LRRC57: variants seen among roughly 807,000 people sequenced by gnomAD.
LRRC57 encodes leucine-rich repeat-containing protein 57.
A neutral mutation model predicts 23.1 loss-of-function variants in LRRC57; 14 were observed. The ratio of observed to expected loss-of-function variants is 0.61; its 90% CI spans 0.40 to 0.95. LRRC57 has a LOEUF of 0.95. Among genes scored for constraint, LRRC57 ranks in the 40% least tolerant of loss-of-function variants. The pLI, the probability that LRRC57 is intolerant of heterozygous loss-of-function variation, is 0.00. For synonymous variants in LRRC57, 106 were observed against 115.2 expected (o/e 0.92, Z 0.51); for missense variants, 236 against 284.4 (o/e 0.83, Z 1.22).
rs1014364180 is a variant in LRRC57, at chr15:42,545,241, T to G, written c.514A>C (p.Ile172Leu). The G allele has an allele frequency of 6.3e-7, 1 of 1,584,998 alleles. No individual in the cohort carries two copies. The highest frequency in any genetic ancestry group is 8.6e-7 in the Non-Finnish European group (1 of 1,169,472). Reference protein sequence around the residue: ...QNQISQISVKISCCPRLKILR... With the variant: ...QNQISQISVKLSCCPRLKILR... ...ATTTTAAGGCGTGGACAGCAAGATA[T>G]CTTCACTGAGATCTGAGATATCTAT... Residue 172 changes from isoleucine to leucine, a missense_variant, in exon 5 of 6, where the codon ATA (isoleucine) becomes CTA (leucine). Transcript: ENST00000397130.
At chr15:42,536,327 G>A (rs970446403), downstream of LRRC57, among the ~76,000 whole-genome samples, 1 of 152,222 alleles carries the variant, frequency 6.6e-6, no homozygotes, top group African/African-American at 2.4e-5. Flanking sequence ...GTAAAATGAG[G>A]TATGCCTATA....
the LRRC57 span, chr15:42,528,500 C>A: frequency 3.1e-6 from 4 of 1,296,754 alleles, no homozygotes; most frequent in East Asian, 4.7e-5. Context: ...AGTACATGAC[C>A]CCTAATAAAA....
chr15:42,542,429 A>T lies in LRRC57; in HGVS notation c.*1654T>A, dbSNP rs1308004791. The T allele has an allele frequency of 2.6e-5, 4 of 152,254 alleles. No individual in the cohort carries two copies. The highest frequency in any genetic ancestry group is 5.9e-5 in the Non-Finnish European group (4 of 68,038). 9.4% of individuals were successfully genotyped at this position (152,254 alleles called of 1,614,324 possible). On this transcript the variant is annotated 3_prime_UTR_variant, in exon 6 of 6. Transcript: ENST00000397130. ...GCATTTCACTACTCATACAATCTGAACATAAGCATGAAACATGTCTTCCTA... is the reference window on the plus strand; with the variant it reads ...GCATTTCACTACTCATACAATCTGATCATAAGCATGAAACATGTCTTCCTA...
the LRRC57 span, among the ~76,000 whole-genome samples, chr15:42,528,712 A>G: frequency 6.6e-6 from 1 of 152,104 alleles, no homozygotes; most frequent in Admixed American, 6.5e-5. Flanking sequence ...CAGCCTTCCG[A>G]GTAGCTGGGA....
chr15:42,533,288 A>T (rs2057582501), downstream of LRRC57, among the ~76,000 whole-genome samples: 1 of 152,232 alleles, frequency 6.6e-6, no homozygotes, highest in Non-Finnish European at 1.5e-5. Context: ...AATCATTACT[A>T]GTCTTACTCA....
At position 42,540,328 on chromosome 15, in the gene LRRC57, A is replaced by G. The variant is rs2057622521; in HGVS notation, c.*3755T>C. On this transcript the variant is annotated 3_prime_UTR_variant, in exon 6 of 6. Coordinates refer to ENST00000397130, the MANE Select transcript of LRRC57 (RefSeq NM_153260.3). The stretch of plus-strand genomic sequence containing the variant: ...CGGGAAAATGCCTCAAATTTCTAAA[A>G]AACAAAACCTTAATTTAGCATGCAT... The G allele has an allele frequency of 6.6e-6, 1 of 152,212 alleles. No homozygotes were observed. Among genetic ancestry groups the G allele is most frequent in the South Asian group, 2.1e-4 (1 of 4,832 alleles). The allele number at this position is 152,212 out of a possible 1,614,324, so 9.4% of individuals were successfully genotyped here. A position where few individuals can be genotyped will look rare whatever the true frequency, so the allele number is the denominator to read the frequency against.
chr15:42,538,051 G>GT lies in LRRC57; in HGVS notation c.*6031dup, dbSNP rs1433818327. ...TCAAAATGGCTAGAAGATTTGAAAT[G>GT]TTCCCAACACAAACAAATGATAAAT... On this transcript the variant is annotated 3_prime_UTR_variant, in exon 6 of 6. Coordinates refer to ENST00000397130, the MANE Select transcript of LRRC57 (RefSeq NM_153260.3). 2.6e-5 allele frequency: 4 copies of GT among 152,156 alleles called. No homozygotes were observed. Among genetic ancestry groups the GT allele is most frequent in the African/African-American group, 7.2e-5 (3 of 41,442 alleles). 9.4% of individuals were successfully genotyped at this position (152,156 alleles called of 1,614,324 possible). A position where few individuals can be genotyped will look rare whatever the true frequency, so the allele number is the denominator to read the frequency against.
chr15:42,545,340 C>A, intron 4 of LRRC57, 78 bp from the exon 5 acceptor site: 5 of 979,400 alleles, frequency 5.1e-6, no homozygotes, highest in Non-Finnish European at 7.0e-6. Flanking sequence ...TAAAACAAAA[C>A]AAAAATCTTT....
Position 42,545,087 on chromosome 15 carries a change from C to A in LRRC57, c.668G>T (p.Gly223Val). 1 of 1,596,428 alleles carries A rather than the reference C, an allele frequency of 6.3e-7. No homozygotes were observed. The highest frequency in any genetic ancestry group is 8.5e-7 in the Non-Finnish European group (1 of 1,172,958). The change falls in exon 5 of 6, where the codon GGC becomes GTC. Residue 223 changes from glycine to valine, a missense_variant. Gly to Val is a moderately radical substitution (Grantham distance 109). Transcript: ENST00000397130. ...TACATTAATTCATACCTTATCATAG[C>A]CTTCCAGTTCTCGAAGTTTCTTTAT... ...FEIKKLRELE[G>V]YDKYMERFTA...
downstream of LRRC57, among the ~76,000 whole-genome samples, chr15:42,536,591 G>T (rs1260105809): frequency 6.6e-6 from 1 of 152,182 alleles, no homozygotes; most frequent in African/African-American, 2.4e-5. Flanking sequence ...TGGAACCCAG[G>T]TTGAAACTTT....
chr15:42,532,908 T>TGATTTCAG (rs1566822972), downstream of LRRC57: 1 of 152,670 alleles, frequency 6.6e-6, no homozygotes, highest in Non-Finnish European at 1.5e-5. Context: ...ATAATCAAGT[T>TGATTTCAG]GATGTGGATC....
chr15:42,545,535 C>A, intron 4 of LRRC57: 1 of 226,318 alleles, frequency 4.4e-6, no homozygotes, highest in Non-Finnish European at 8.5e-6. Context: ...ACTGTATGTT[C>A]ATTATAGAAA....
the LRRC57 span, chr15:42,528,455 C>G: frequency 1.9e-6 from 3 of 1,604,950 alleles, no homozygotes; most frequent in South Asian, 2.2e-5. Context: ...CTGTACCTTT[C>G]TTAATGAATG....
At chr15:42,536,220 AAGTG>A (rs1376190521), downstream of LRRC57, among the ~76,000 whole-genome samples, 2 of 152,226 alleles carry the variant, frequency 1.3e-5, no homozygotes, top group Non-Finnish European at 2.9e-5. Flanking sequence ...ATGTGAGACA[AAGTG>A]AGGACATGCT....
downstream of LRRC57, among the ~76,000 whole-genome samples, chr15:42,537,264 C>T (rs561151455): frequency 9.9e-5 from 15 of 150,804 alleles, no homozygotes; most frequent in Admixed American, 2.0e-4. Flanking sequence ...CACACACACA[C>T]GCACGCACAC....
the LRRC57 span, chr15:42,531,567 C>T: frequency 3.7e-4 from 353 of 953,216 alleles, 1 homozygote; most frequent in Non-Finnish European, 5.1e-4. Flanking sequence ...TTTTCGGTTC[C>T]ACGCTCTTCT....
chr15:42,548,149 C>A lies in LRRC57; in HGVS notation c.180G>T (p.Lys60Asn). ...GGGAGAGGCTCTTCAGCAGAGTGAA[C>A]TTTCCTATCAGCAAAGGCGGTAGGC... is the stretch of plus-strand genomic sequence containing the variant. ...IESLPPLLIG[K>N]FTLLKSLSLN... The change falls in exon 3 of 6, where the codon AAG becomes AAT. Residue 60 changes from lysine to asparagine, a missense_variant. Coordinates refer to ENST00000397130, the MANE Select transcript of LRRC57 (RefSeq NM_153260.3). 1 of 1,614,228 alleles carries A rather than the reference C, an allele frequency of 6.2e-7. No homozygotes were observed. The highest frequency in any genetic ancestry group is 8.5e-7 in the Non-Finnish European group (1 of 1,180,038).
Position 42,548,301 on chromosome 15 carries a change from C to T in LRRC57, c.84+50G>A, listed in dbSNP as rs201511788. On this transcript the variant is annotated intron_variant, in intron 2 of 5. Transcript: ENST00000397130. Reference sequence around the variant, plus strand: ...CCGCACCGACTAAGTTCGCCGCCCCCGCCGTCCCTCTCCCTTTAAGTTCCC... The same window carrying T: ...CCGCACCGACTAAGTTCGCCGCCCCTGCCGTCCCTCTCCCTTTAAGTTCCC... 320 of 1,613,804 alleles carry T rather than the reference C, an allele frequency of 2.0e-4. 4 individuals carry two copies. In the East Asian group the frequency reaches 7.0e-3, roughly 35 times the overall value.
At chr15:42,546,770 G>A (rs1287395527) in intron 4 of LRRC57, among the ~76,000 whole-genome samples, 2 of 152,162 alleles carry the variant, frequency 1.3e-5, no homozygotes, top group Non-Finnish European at 2.9e-5. Flanking sequence ...GCTATCTCCA[G>A]AAAGCCTATC....
Sources: allele counts gnomAD v4.1 joint callset (sites outside exome capture counted in the v4.1 genomes callset), GRCh38; gene constraint gnomAD v4.1.1; transcripts MANE v1.5; gene names NCBI Gene and HGNC (gene_info 2026-07-23, HGNC 2026-07-21).